The following FRMPD4 variants were observed in gnomAD, a reference collection of about 807,000 sequenced individuals.
FRMPD4 encodes FERM and PDZ domain containing 4.
A neutral mutation model predicts 94.1 loss-of-function variants in FRMPD4; 22 were observed. The observed-to-expected ratio is 0.23, with a 90% CI of 0.17 to 0.33. The LOEUF is 0.33. Among genes scored for constraint, FRMPD4 ranks in the 10% least tolerant of loss-of-function variants. The pLI is 1.00. For synonymous variants in FRMPD4, 631 were observed against 548.6 expected (o/e 1.15, Z -2.10); for missense variants, 1,111 against 1,339.9 (o/e 0.83, Z 2.67).
intron 1 of FRMPD4, among the ~76,000 whole-genome samples, chrX:12,291,203 ATCT>A (rs1264797817): frequency 1.8e-5 from 2 of 112,217 alleles, no homozygotes; most frequent in Admixed American, 9.4e-5. Flanking sequence ...CCAGTTTTTG[ATCT>A]TCATCTTCCT....
At chrX:12,508,474 T>G (rs976056549) in intron 2 of FRMPD4, among the ~76,000 whole-genome samples, 1 of 112,491 alleles carries the variant, frequency 8.9e-6, no homozygotes, top group African/African-American at 3.2e-5. Context: ...AAAATCAGTT[T>G]GCACTGCCTA....
chrX:12,539,220 G>A (rs765235929), intron 2 of FRMPD4, among the ~76,000 whole-genome samples: 5 of 111,772 alleles, frequency 4.5e-5, no homozygotes, highest in Admixed American at 9.5e-5. Flanking sequence ...AATGAAGCAA[G>A]AAGAGAAGTT....
intron 1 of FRMPD4, among the ~76,000 whole-genome samples, chrX:11,840,116 A>T (rs1278287275): frequency 9.0e-6 from 1 of 111,536 alleles, no homozygotes; most frequent in African/African-American, 3.3e-5. Flanking sequence ...CAGTGTGATG[A>T]GATTTTAATA....
intron 2 of FRMPD4, among the ~76,000 whole-genome samples, chrX:12,536,455 A>G (rs1196552596): frequency 1.8e-5 from 2 of 112,209 alleles, no homozygotes; most frequent in African/African-American, 3.2e-5. Context: ...GACACAGTTT[A>G]GAGTTTAAAA....
intron 2 of FRMPD4, among the ~76,000 whole-genome samples, chrX:12,536,584 A>G (rs1050286122): frequency 8.9e-6 from 1 of 112,048 alleles, no homozygotes; most frequent in African/African-American, 3.2e-5. Context: ...TATTAATAAT[A>G]TGGTAAAATA....
At chrX:12,682,989 G>A (rs1016043564) in intron 5 of FRMPD4, among the ~76,000 whole-genome samples, 5 of 111,891 alleles carry the variant, frequency 4.5e-5, no homozygotes, top group Non-Finnish European at 9.4e-5. Context: ...GAGAGAGGGA[G>A]AGACAGAGTA....
chrX:12,161,571 A>AGGGTCAGATCCT (rs2056026848), intron 1 of FRMPD4, among the ~76,000 whole-genome samples: 1 of 111,851 alleles, frequency 8.9e-6, no homozygotes, highest in African/African-American at 3.3e-5. Context: ...GGTAGAGGAC[A>AGGGTCAGATCCT]CTGAGGGTCA....
chrX:12,518,293 G>A (rs2058124974), intron 2 of FRMPD4, among the ~76,000 whole-genome samples: 1 of 111,967 alleles, frequency 8.9e-6, no homozygotes, highest in African/African-American at 3.3e-5. Context: ...GGGACCCAAG[G>A]CCCTGGTGGC....
chrX:11,829,144 A>C (rs1474000771), intron 1 of FRMPD4, among the ~76,000 whole-genome samples: 1 of 112,159 alleles, frequency 8.9e-6, no homozygotes, highest in African/African-American at 3.2e-5. Flanking sequence ...TATTCAGTCT[A>C]CCAATTTAAA....
chrX:12,240,638 G>A (rs2057119319), intron 1 of FRMPD4, among the ~76,000 whole-genome samples: 2 of 112,314 alleles, frequency 1.8e-5, no homozygotes, highest in Admixed American at 9.5e-5. Context: ...CAAAATGAAA[G>A]ACAACTGGTT....
chrX:11,853,925 C>G (rs2053639721), intron 1 of FRMPD4, among the ~76,000 whole-genome samples: 1 of 112,261 alleles, frequency 8.9e-6, no homozygotes, highest in East Asian at 2.8e-4. Context: ...AGAGATACAA[C>G]AGAAAAACAA....
intron 1 of FRMPD4, among the ~76,000 whole-genome samples, chrX:12,275,084 C>T (rs1370388365): frequency 8.9e-6 from 1 of 112,247 alleles, no homozygotes; most frequent in Non-Finnish European, 1.9e-5. Flanking sequence ...TTTGTCCCCA[C>T]CCAAATTTCA....
chrX:12,030,566 C>A (rs1003197689), intron 3 of FRMPD4, among the ~76,000 whole-genome samples: 8 of 111,910 alleles, frequency 7.1e-5, no homozygotes, highest in African/African-American at 1.9e-4. Flanking sequence ...TCTCTATGGG[C>A]AATCTGGGAA....
chrX:11,888,264 G>A, intron 3 of FRMPD4, among the ~76,000 whole-genome samples: 1 of 111,471 alleles, frequency 9.0e-6, no homozygotes, highest in Non-Finnish European at 1.9e-5. Context: ...ATTCTACTTT[G>A]TGTACACTTT....
intron 3 of FRMPD4, among the ~76,000 whole-genome samples, chrX:12,089,010 G>A (rs772284355): frequency 9.0e-5 from 10 of 111,605 alleles, no homozygotes; most frequent in Non-Finnish European, 1.5e-4. Flanking sequence ...CACAGCATAG[G>A]TTTGTTTCAC....
intron 3 of FRMPD4, among the ~76,000 whole-genome samples, chrX:11,935,296 T>TTA (rs1426294721): frequency 1.1e-4 from 3 of 28,214 alleles, no homozygotes; most frequent in Non-Finnish European, 2.0e-4. Flanking sequence ...TTTTTTTTTT[T>TTA]ATTATACTCT....
chrX:12,455,109 G>A (rs1420262066), intron 1 of FRMPD4, among the ~76,000 whole-genome samples: 1 of 110,458 alleles, frequency 9.1e-6, no homozygotes. Context: ...TGTGACGCTG[G>A]GTGAAGGGCA....
At chrX:12,428,780 T>A (rs1400933354) in intron 1 of FRMPD4, among the ~76,000 whole-genome samples, 1 of 111,867 alleles carries the variant, frequency 8.9e-6, no homozygotes, top group Non-Finnish European at 1.9e-5. Flanking sequence ...ATTTCTTTCA[T>A]TTTTTTTCTT....
chrX:11,913,986 AT>A (rs1660628971), intron 3 of FRMPD4, among the ~76,000 whole-genome samples: 1 of 112,306 alleles, frequency 8.9e-6, no homozygotes, highest in African/African-American at 3.2e-5. Flanking sequence ...AATTGTAGTC[AT>A]TTTAACCACG....
Sources: allele counts gnomAD v4.1 joint callset (sites outside exome capture counted in the v4.1 genomes callset), GRCh38; gene constraint gnomAD v4.1.1; transcripts MANE v1.5; gene names NCBI Gene and HGNC (gene_info 2026-07-23, HGNC 2026-07-21).